The following PAG1 variants were observed in gnomAD, a reference collection of about 807,000 sequenced individuals.
The protein encoded by PAG1 is phosphoprotein associated with glycosphingolipid-enriched microdomains 1.
PAG1 carries 23 observed loss-of-function variants against 31.7 expected under a neutral mutation model. That is an observed-to-expected ratio of 0.73 (90% CI 0.52 to 1.03). PAG1 has a LOEUF of 1.03. PAG1 is among the 50% of genes least tolerant of loss of function. PAG1 has a pLI of 0.00. For missense variants in PAG1, 473 were observed against 540.7 expected (o/e 0.87, Z 1.24); for synonymous variants, 214 against 210.3 (o/e 1.02, Z -0.15).
intron 7 of PAG1, among the ~76,000 whole-genome samples, chr8:80,982,188 A>G (rs1807320988): frequency 6.6e-6 from 1 of 151,928 alleles, no homozygotes; most frequent in East Asian, 1.9e-4. Flanking sequence ...TTATAGCAAA[A>G]TCTTTTAAAG....
At chr8:81,054,825 T>C (rs939527704) in intron 2 of PAG1, among the ~76,000 whole-genome samples, 2 of 152,184 alleles carry the variant, frequency 1.3e-5, no homozygotes, top group African/African-American at 4.8e-5. Flanking sequence ...GAGGTCTGAT[T>C]CCAGCCCAAG....
rs577633821 is a variant in PAG1 at position 80,968,872 on chromosome 8, C to T, written c.*7672G>A. On this transcript the variant is annotated 3_prime_UTR_variant, in exon 9 of 9. Transcript: ENST00000220597. ...CAGAGTGGCAGATAGGGAATTGGGC[C>T]AACACATTTCTCAGAGAGACATGAG... 6.6e-6 allele frequency: 1 copy of T among 152,270 alleles called. No individual in the cohort carries two copies. The highest frequency in any genetic ancestry group is 2.4e-5 in the African/African-American group (1 of 41,546). The allele number at this position is 152,270 out of a possible 1,614,324, so 9.4% of individuals were successfully genotyped here. A position where few individuals can be genotyped will look rare whatever the true frequency, so the allele number is the denominator to read the frequency against.
chr8:81,003,929 C>T (rs865885243), intron 3 of PAG1, among the ~76,000 whole-genome samples: 59 of 152,260 alleles, frequency 3.9e-4, no homozygotes, highest in Middle Eastern at 6.8e-3. Flanking sequence ...CATGGACGGC[C>T]TTTTTAGTCA....
At chr8:81,066,749 A>G (rs1809015172) in intron 2 of PAG1, among the ~76,000 whole-genome samples, 1 of 152,234 alleles carries the variant, frequency 6.6e-6, no homozygotes, top group African/African-American at 2.4e-5. Flanking sequence ...GGAGAAAGAA[A>G]AAAGGGATAG....
At chr8:80,992,514 T>C (rs957568939) in intron 4 of PAG1, among the ~76,000 whole-genome samples, 2 of 152,170 alleles carry the variant, frequency 1.3e-5, no homozygotes, top group African/African-American at 4.8e-5. Flanking sequence ...AGAACTTCTC[T>C]CTGAGCAAAG....
chr8:81,037,184 C>A (rs1808475520), intron 2 of PAG1: 1 of 152,164 alleles, frequency 6.6e-6, no homozygotes, highest in African/African-American at 2.4e-5. Context: ...TCCAAGAGGA[C>A]CATAATTTTC....
rs186960912 is a variant in PAG1 at position 81,065,708 on chromosome 8, T to A, written c.-175+4404A>T. On this transcript the variant is annotated intron_variant, in intron 2 of 8. Coordinates refer to ENST00000220597, the MANE Select transcript of PAG1 (RefSeq NM_018440.4). ...TAATGTTGAGGGAAAAGTCAGGGCA[T>A]ATTTTCTTTAAGTTAAAAAAGTCTA... 3.1e-3 allele frequency among the ~76,000 whole-genome samples: 476 copies of A among 152,252 alleles called. 1 individual carries two copies. Among genetic ancestry groups the A allele is most frequent in the Admixed American group, 5.9e-3 (90 of 15,304 alleles).
At chr8:81,097,948 C>G (rs928353044) in intron 1 of PAG1, among the ~76,000 whole-genome samples, 1 of 152,186 alleles carries the variant, frequency 6.6e-6, no homozygotes, top group Non-Finnish European at 1.5e-5. Flanking sequence ...ACACTCTGCT[C>G]TTTCCTATAA....
chr8:81,109,684 A>T (rs923208984), intron 1 of PAG1, among the ~76,000 whole-genome samples: 1 of 152,220 alleles, frequency 6.6e-6, no homozygotes, highest in African/African-American at 2.4e-5. Context: ...TTTTCCCAGA[A>T]CAAGCTTAAT....
At chr8:81,108,011 A>C (rs911429347) in intron 1 of PAG1, among the ~76,000 whole-genome samples, 1 of 152,252 alleles carries the variant, frequency 6.6e-6, no homozygotes, top group Non-Finnish European at 1.5e-5. Context: ...CATTTCTTTT[A>C]CATGTATCTT....
intron 3 of PAG1, among the ~76,000 whole-genome samples, chr8:81,021,718 C>T (rs1808175280): frequency 6.6e-6 from 1 of 151,844 alleles, no homozygotes; most frequent in Non-Finnish European, 1.5e-5. Flanking sequence ...ATGAGGAAAA[C>T]ATTGTGGATT....
chr8:81,006,657 C>T lies in PAG1; in HGVS notation c.-80-13350G>A, dbSNP rs1352249668. Among the ~76,000 whole-genome samples the T allele has an allele frequency of 3.3e-5, 5 of 151,824 alleles. No individual in the cohort carries two copies. The East Asian group carries it at 9.6e-4, about 29-fold the overall frequency. On this transcript the variant is annotated intron_variant, in intron 3 of 8. Transcript: ENST00000220597. Reference sequence around the variant, plus strand: ...ATCTTTAAAATCACACTGTCTTCCTCGAGATTTTCCATTTTTTTTTTCTAT... The same window carrying T: ...ATCTTTAAAATCACACTGTCTTCCTTGAGATTTTCCATTTTTTTTTTCTAT...
intron 1 of PAG1, among the ~76,000 whole-genome samples, chr8:81,073,153 G>GA (rs1809121365): frequency 6.6e-6 from 1 of 152,134 alleles, no homozygotes; most frequent in Admixed American, 6.5e-5. Context: ...TTTTCATCAG[G>GA]ATTGGCCCAC....
Position 80,985,261 on chromosome 8 carries a change from G to T in PAG1, c.391C>A (p.Arg131=). Residue 131 remains arginine, a synonymous_variant, in exon 7 of 9, where the codon CGG becomes AGG. Coordinates refer to ENST00000220597, the MANE Select transcript of PAG1 (RefSeq NM_018440.4). ...STGKPKCHQS[R]ELPRIPPESA... ...TCGGGAGGGATTCTGGGCAGCTCCC[G>T]ACTCTGATGACATTTTGGTTTCCCT... 1 of 1,614,102 alleles carries T rather than the reference G, an allele frequency of 6.2e-7. No homozygotes were observed. The highest frequency in any genetic ancestry group is 8.5e-7 in the Non-Finnish European group (1 of 1,180,036).
intron 2 of PAG1, among the ~76,000 whole-genome samples, chr8:81,057,578 AG>A (rs1808847309): frequency 1.2e-5 from 1 of 81,366 alleles, no homozygotes; most frequent in African/African-American, 4.9e-5. Flanking sequence ...GGGTCGGGGG[AG>A]GGGGGAGGGA....
intron 2 of PAG1, among the ~76,000 whole-genome samples, chr8:81,045,421 C>T (rs1222398867): frequency 1.3e-5 from 2 of 152,218 alleles, no homozygotes. Flanking sequence ...GATAAAGCTG[C>T]ACTATGGTGC....
At chr8:81,075,479 T>C (rs986623267) in intron 1 of PAG1, among the ~76,000 whole-genome samples, 7 of 152,264 alleles carry the variant, frequency 4.6e-5, no homozygotes, top group African/African-American at 1.4e-4. Context: ...AATCTCTAAC[T>C]TCTTTAAAGA....
At chr8:81,021,629 T>A (rs1808173598) in intron 3 of PAG1, among the ~76,000 whole-genome samples, 1 of 151,190 alleles carries the variant, frequency 6.6e-6, no homozygotes, top group Admixed American at 6.6e-5. Flanking sequence ...AAGGGCAAAA[T>A]CCTACAAATT....
intron 2 of PAG1, among the ~76,000 whole-genome samples, chr8:81,030,816 T>C (rs1222185901): frequency 1.3e-5 from 2 of 152,112 alleles, no homozygotes; most frequent in East Asian, 3.8e-4. Flanking sequence ...GTCTCTCCCA[T>C]ATTGAACACT....
Sources: gnomAD v4.1 joint callset for allele counts (sites outside exome capture counted in the v4.1 genomes callset) on GRCh38, gnomAD v4.1.1 for gene constraint, MANE v1.5 for transcripts, NCBI Gene and HGNC (gene_info 2026-07-23, HGNC 2026-07-21) for gene names.